ROBO2: variants seen among roughly 807,000 people sequenced by gnomAD.
The protein encoded by ROBO2 is roundabout homolog 2.
In ROBO2, 53 loss-of-function variants were observed where a neutral mutation model predicts 160.8. The ratio of observed to expected loss-of-function variants is 0.33; its 90% CI spans 0.26 to 0.41. The LOEUF is 0.41. Ranked by LOEUF, ROBO2 falls within the 10% of genes least tolerant of loss-of-function variation. The pLI, the probability that ROBO2 is intolerant of heterozygous loss-of-function variation, is 1.00. For missense variants in ROBO2, 1,577 were observed against 1,722.4 expected, an observed-to-expected ratio of 0.92 and a Z score of 1.49; for synonymous variants, 664 against 611.7, an observed-to-expected ratio of 1.09 and a Z score of -1.26.
intron 2 of ROBO2, among the ~76,000 whole-genome samples, chr3:76,711,315 C>A (rs2093288814): frequency 6.6e-6 from 1 of 152,124 alleles, no homozygotes; most frequent in Non-Finnish European, 1.5e-5. Flanking sequence ...CACTTTTAAA[C>A]CATCAGGAGA....
At chr3:76,172,932 A>G (rs1390895737) in intron 2 of ROBO2, among the ~76,000 whole-genome samples, 1 of 152,080 alleles carries the variant, frequency 6.6e-6, no homozygotes, top group African/African-American at 2.4e-5. Context: ...GTAAACATAT[A>G]TATATATAAA....
chr3:76,731,257 A>G (rs1210543921), intron 2 of ROBO2, among the ~76,000 whole-genome samples: 1 of 152,180 alleles, frequency 6.6e-6, no homozygotes, highest in Non-Finnish European at 1.5e-5. Context: ...CTTTATTTTT[A>G]TGAATACTAC....
At chr3:77,424,602 T>G (rs2078006086) in intron 2 of ROBO2, among the ~76,000 whole-genome samples, 1 of 152,256 alleles carries the variant, frequency 6.6e-6, no homozygotes, top group Admixed American at 6.5e-5. Context: ...AATATATTTC[T>G]AATTTACTGA....
intron 2 of ROBO2, among the ~76,000 whole-genome samples, chr3:77,033,797 A>G (rs2063465407): frequency 6.6e-6 from 1 of 152,158 alleles, no homozygotes; most frequent in Non-Finnish European, 1.5e-5. Context: ...TCACATTGAT[A>G]AAAATCAAAA....
intron 2 of ROBO2, among the ~76,000 whole-genome samples, chr3:76,089,783 G>T (rs2069155063): frequency 6.6e-6 from 1 of 151,972 alleles, no homozygotes; most frequent in Non-Finnish European, 1.5e-5. Flanking sequence ...AATGCAAGAA[G>T]ATTCAATTCA....
intron 2 of ROBO2, among the ~76,000 whole-genome samples, chr3:77,270,648 T>C (rs905949649): frequency 6.6e-6 from 1 of 152,172 alleles, no homozygotes; most frequent in African/African-American, 2.4e-5. Flanking sequence ...TGTTTTGTTT[T>C]TTAGAATGGT....
chr3:77,342,820 A>G (rs1017069282), intron 2 of ROBO2, among the ~76,000 whole-genome samples: 1 of 152,176 alleles, frequency 6.6e-6, no homozygotes, highest in African/African-American at 2.4e-5. Flanking sequence ...CACAAAGCTT[A>G]GCACTGTGTT....
intron 24 of ROBO2, among the ~76,000 whole-genome samples, chr3:77,639,712 T>C (rs949893590): frequency 2.0e-5 from 3 of 152,144 alleles, no homozygotes; most frequent in Non-Finnish European, 2.9e-5. Flanking sequence ...CATAATGACA[T>C]TGGCTCTTAC....
At chr3:76,609,520 T>C (rs941903271) in intron 2 of ROBO2, among the ~76,000 whole-genome samples, 3 of 152,170 alleles carry the variant, frequency 2.0e-5, no homozygotes, top group East Asian at 3.8e-4. Context: ...TTTTTCAGAT[T>C]GCTCACTGTT....
At chr3:76,915,671 CAAAAAA>C (rs372827394) in intron 2 of ROBO2, among the ~76,000 whole-genome samples, 3 of 96,522 alleles carry the variant, frequency 3.1e-5, no homozygotes, top group Non-Finnish European at 2.1e-5. Flanking sequence ...CTCTCGCTCT[CAAAAAA>C]AAAAAAAAAA....
At chr3:76,036,242 C>T (rs965853720) in intron 2 of ROBO2, among the ~76,000 whole-genome samples, 20 of 151,976 alleles carry the variant, frequency 1.3e-4, no homozygotes, top group African/African-American at 4.1e-4. Flanking sequence ...CGCCGCCTCC[C>T]GGGTTCAAGT....
intron 8 of ROBO2, among the ~76,000 whole-genome samples, chr3:77,555,517 A>G (rs1353438458): frequency 6.6e-6 from 1 of 151,962 alleles, no homozygotes; most frequent in Non-Finnish European, 1.5e-5. Context: ...CTTGAGTTTC[A>G]ATATATTTCT....
chr3:77,010,946 C>A (rs2149461983), intron 2 of ROBO2, among the ~76,000 whole-genome samples: 1 of 142,606 alleles, frequency 7.0e-6, no homozygotes, highest in South Asian at 2.3e-4. Context: ...CTCTTTCCTT[C>A]CTTTCTCCCT....
intron 6 of ROBO2, among the ~76,000 whole-genome samples, chr3:77,540,310 C>T (rs1383677720): frequency 6.6e-6 from 1 of 152,248 alleles, no homozygotes; most frequent in Non-Finnish European, 1.5e-5. Context: ...CGTTAAAGTT[C>T]TATCATTCTT....
chr3:76,603,372 A>AAAT (rs2087385402), intron 2 of ROBO2, among the ~76,000 whole-genome samples: 2 of 137,472 alleles, frequency 1.5e-5, no homozygotes, highest in Admixed American at 7.3e-5. Flanking sequence ...ATATATATAT[A>AAAT]TATATATATA....
Position 76,567,669 on chromosome 3 carries a change from A to G in ROBO2, c.110-530345A>G, listed in dbSNP as rs908145018. ...TATATATATACACATACACATATATATACATATATATGTATATATATATGT... is the reference window on the plus strand; with the variant it reads ...TATATATATACACATACACATATATGTACATATATATGTATATATATATGT... On this transcript the variant is annotated intron_variant, in intron 2 of 26. Transcript: ENST00000487694. Among the ~76,000 whole-genome samples, 2 of 135,846 alleles carry G rather than the reference A, an allele frequency of 1.5e-5. 1 individual carries two copies. Among genetic ancestry groups the G allele is most frequent in the Admixed American group, 1.5e-4 (2 of 13,064 alleles). 89.1% of individuals were successfully genotyped at this position (135,846 alleles called of 152,430 possible).
At chr3:76,407,447 T>C (rs559838985) in intron 2 of ROBO2, among the ~76,000 whole-genome samples, 1 of 151,868 alleles carries the variant, frequency 6.6e-6, no homozygotes, top group South Asian at 2.1e-4. Context: ...AGTTGTCTGA[T>C]AGACACATAA....
chr3:76,458,243 T>A (rs965739061), intron 2 of ROBO2, among the ~76,000 whole-genome samples: 3 of 152,210 alleles, frequency 2.0e-5, no homozygotes, highest in African/African-American at 7.2e-5. Context: ...AATGCTTTGC[T>A]GCTTAGAAAT....
intron 2 of ROBO2, among the ~76,000 whole-genome samples, chr3:76,970,442 C>A (rs1341553437): frequency 6.6e-6 from 1 of 152,118 alleles, no homozygotes; most frequent in Non-Finnish European, 1.5e-5. Context: ...ATGGTCAAAT[C>A]AAGTCTAAAA....
Sources: allele counts gnomAD v4.1 joint callset (sites outside exome capture counted in the v4.1 genomes callset), GRCh38; gene constraint gnomAD v4.1.1; transcripts MANE v1.5; gene names NCBI Gene and HGNC (gene_info 2026-07-23, HGNC 2026-07-21).